DAPK1: variants seen among roughly 807,000 people sequenced by gnomAD.
DAPK1 encodes the protein death associated protein kinase 1.
A neutral mutation model predicts 144.9 loss-of-function variants in DAPK1; 56 were observed. The ratio of observed to expected loss-of-function variants is 0.39; its 90% CI spans 0.31 to 0.48. The LOEUF (loss-of-function observed/expected upper bound fraction) is 0.48. Among genes scored for constraint, DAPK1 ranks in the 20% least tolerant of loss-of-function variants. The pLI is 0.95. For synonymous variants in DAPK1, 690 were observed against 749.0 expected, an observed-to-expected ratio of 0.92 and a Z score of 1.29; for missense variants, 1,454 against 1,875.4, an observed-to-expected ratio of 0.78 and a Z score of 4.15.
chr9:87,681,171 G>A (rs534409805), intron 19 of DAPK1, among the ~76,000 whole-genome samples: 59 of 152,126 alleles, frequency 3.9e-4, no homozygotes, highest in African/African-American at 1.2e-3. Flanking sequence ...CCAGCTACTC[G>A]GGAGGCTGAG....
At chr9:87,650,242 G>A (rs966655889) in intron 16 of DAPK1, 124 bp downstream of exon 16, 19 of 868,700 alleles carry the variant, frequency 2.2e-5, no homozygotes, top group Admixed American at 4.5e-5. Flanking sequence ...TAATTACCCC[G>A]TCTCTTCTCT....
intron 17 of DAPK1, chr9:87,657,335 G>A (rs1004335456): frequency 6.5e-6 from 1 of 152,700 alleles, no homozygotes. Context: ...TGAAACCTTG[G>A]ACTCAGAGTG....
rs572713570 is a variant in DAPK1 at position 87,706,671 on chromosome 9, C to T, written c.3600C>T (p.Gly1200=). ...HGQGIEVQVR[G]LETEKIKCCL... ...AGGGCATTGAGGTCCAGGTCCGCGG[C>T]CTGGAGACGGAGAAGATCAAGTGCT... Residue 1200 remains glycine (G), a synonymous_variant, in exon 26 of 26, where the codon GGC becomes GGT. Coordinates refer to ENST00000408954, the MANE Select transcript of DAPK1 (RefSeq NM_004938.4). The surrounding 1 kb of genome is among the most constrained non-coding windows in gnomAD (Gnocchi z 9.0). 6.2e-7 allele frequency: 1 copy of T among 1,611,888 alleles called. No homozygotes were observed. The highest frequency in any genetic ancestry group is 1.7e-5 in the Admixed American group (1 of 59,998).
intron 9 of DAPK1, among the ~76,000 whole-genome samples, chr9:87,641,338 A>G (rs1339308736): frequency 1.3e-5 from 2 of 152,174 alleles, no homozygotes; most frequent in African/African-American, 2.4e-5. Flanking sequence ...TGACATTTGG[A>G]TTAAAGTATC....
chr9:87,696,991 T>G lies in DAPK1; in HGVS notation c.2414-16T>G, dbSNP rs746998029. The G allele has an allele frequency of 5.1e-6, 7 of 1,364,368 alleles. No individual in the cohort carries two copies. The highest frequency in any genetic ancestry group is 5.3e-6 in the Non-Finnish European group (5 of 952,072). The allele number at this position is 1,364,368 out of a possible 1,614,324, so 84.5% of individuals were successfully genotyped here. A position where few individuals can be genotyped will look rare whatever the true frequency, so the allele number is the denominator to read the frequency against. On this transcript the variant is annotated splice_polypyrimidine_tract_variant and intron_variant, in intron 21 of 25. Coordinates refer to ENST00000408954, the MANE Select transcript of DAPK1 (RefSeq NM_004938.4). ...AGTGGTGTTTCACGATTGTTATCAT[T>G]TTTCTTTTTCTGTAGGAGTTGGCGA... is the stretch of plus-strand genomic sequence containing the variant.
rs1208666809 is a variant in DAPK1, at chr9:87,651,561, G to A, written c.1661G>A (p.Arg554Gln). The A allele has an allele frequency of 3.1e-6, 5 of 1,614,150 alleles. No individual in the cohort carries two copies. The highest frequency in any genetic ancestry group is 4.2e-6 in the Non-Finnish European group (5 of 1,180,014). Residue 554 changes from arginine (R) to glutamine (Q), a missense_variant, in exon 17 of 26, where the codon CGG (arginine) becomes CAG (glutamine). Arg to Gln is a conservative substitution (Grantham distance 43). Coordinates refer to ENST00000408954, the MANE Select transcript of DAPK1 (RefSeq NM_004938.4). ...ATTGCCCTTCATCTGGCTGTAAGAC[G>A]GTGTCAGATGGAGGTAATCAAGACT... The part of the protein sequence containing the change: ...GHIALHLAVR[R>Q]CQMEVIKTLL...
intron 2 of DAPK1, among the ~76,000 whole-genome samples, chr9:87,512,203 A>G (rs4877360): frequency 0.25 from 37,716 of 152,066 alleles, 5,243 homozygotes; most frequent in East Asian, 0.43. Flanking sequence ...GACTATAGGC[A>G]TGTGCCAACA....
intron 2 of DAPK1, among the ~76,000 whole-genome samples, chr9:87,549,858 C>T (rs1826409142): frequency 6.6e-6 from 1 of 152,184 alleles, no homozygotes. Flanking sequence ...CTGTCTGTTA[C>T]CCAGATCCAC....
intron 18 of DAPK1, among the ~76,000 whole-genome samples, chr9:87,661,218 G>C (rs922524284): frequency 2.0e-5 from 3 of 152,198 alleles, no homozygotes; most frequent in African/African-American, 7.2e-5. Context: ...TCTGTCGGTG[G>C]ACACTTAGTT....
Position 87,706,455 on chromosome 9 carries a change from C to T in DAPK1, c.3384C>T (p.Gly1128=), listed in dbSNP as rs116652186. ...AGGACGAGGTGATGGTGTATGGTGG[C>T]GTGCGCATCGTGCCCGTGGAACACC... The part of the protein sequence containing the change: ...DEEDEVMVYG[G]VRIVPVEHLT... Residue 1128 remains glycine, a synonymous_variant, in exon 26 of 26, where the codon GGC becomes GGT. Coordinates refer to ENST00000408954, the MANE Select transcript of DAPK1 (RefSeq NM_004938.4). The surrounding 1 kb of genome is among the most constrained non-coding windows in gnomAD (Gnocchi z 9.0). 5.3e-4 allele frequency: 861 copies of T among 1,613,428 alleles called. 1 individual carries two copies. In the African/African-American group the frequency reaches 5.8e-3, roughly 11 times the overall value.
At chr9:87,705,768 C>T (rs976532367) in intron 25 of DAPK1, among the ~76,000 whole-genome samples, 1 of 152,136 alleles carries the variant, frequency 6.6e-6, no homozygotes, top group African/African-American at 2.4e-5. Flanking sequence ...TGCCACTGGT[C>T]CCAATAATTT....
intron 2 of DAPK1, among the ~76,000 whole-genome samples, chr9:87,552,373 G>A (rs1826526826): frequency 6.6e-6 from 1 of 152,160 alleles, no homozygotes; most frequent in African/African-American, 2.4e-5. Context: ...TCTGCAGCTG[G>A]AAGGAGTGTG....
intron 2 of DAPK1, chr9:87,525,579 C>A: frequency 2.4e-6 from 2 of 836,436 alleles, no homozygotes; most frequent in Non-Finnish European, 3.8e-6. Flanking sequence ...ACAAAAAATG[C>A]GTTGAATAAA....
chr9:87,610,911 G>T (rs982769555), intron 3 of DAPK1, among the ~76,000 whole-genome samples: 5 of 152,224 alleles, frequency 3.3e-5, no homozygotes, highest in African/African-American at 1.2e-4. Context: ...TCTGAAGATT[G>T]TGTGTCTTGT....
chr9:87,571,494 C>CACACACACA (rs1554684264), intron 2 of DAPK1, among the ~76,000 whole-genome samples: 2 of 35,138 alleles, frequency 5.7e-5, no homozygotes, highest in African/African-American at 1.1e-4. Flanking sequence ...CACACACACA[C>CACACACACA]CCCAACACAC....
chr9:87,683,705 G>C (rs1388045418), intron 20 of DAPK1, among the ~76,000 whole-genome samples: 2 of 152,192 alleles, frequency 1.3e-5, no homozygotes, highest in Admixed American at 6.5e-5. Flanking sequence ...GCAGGTTCCT[G>C]GTGAAGGGTG....
chr9:87,571,481 A>C lies in DAPK1; in HGVS notation c.63-33473A>C, dbSNP rs1185224008. On this transcript the variant is annotated intron_variant, in intron 2 of 25. Coordinates refer to ENST00000408954, the MANE Select transcript of DAPK1 (RefSeq NM_004938.4). ...CACACACACACACACACACCAACAC[A>C]CACACACACACACCCCAACACACAC... is the stretch of plus-strand genomic sequence containing the variant. Among the ~76,000 whole-genome samples, 169 of 52,234 alleles carry C rather than the reference A, an allele frequency of 3.2e-3. 26 individuals carry two copies. Among genetic ancestry groups the C allele is most frequent in the African/African-American group, 0.016 (154 of 9,504 alleles). The allele number at this position is 52,234 out of a possible 152,430, so 34.3% of individuals were successfully genotyped here.
At chr9:87,518,079 C>A (rs1825130590) in intron 2 of DAPK1, among the ~76,000 whole-genome samples, 1 of 148,130 alleles carries the variant, frequency 6.8e-6, no homozygotes, top group Non-Finnish European at 1.5e-5. Flanking sequence ...GTTGTTTGCC[C>A]TGGAATATTT....
intron 3 of DAPK1, among the ~76,000 whole-genome samples, chr9:87,615,683 C>T (rs993092018): frequency 6.6e-6 from 1 of 152,228 alleles, no homozygotes; most frequent in African/African-American, 2.4e-5. Context: ...AAAAGGGAAA[C>T]TGCCCTTCAC....
Sources: allele counts gnomAD v4.1 joint callset (sites outside exome capture counted in the v4.1 genomes callset), GRCh38; gene constraint gnomAD v4.1.1; non-coding constraint Gnocchi (gnomAD v3.1); transcripts MANE v1.5; gene names NCBI Gene and HGNC (gene_info 2026-07-23, HGNC 2026-07-21).